TMEM163: variants seen among roughly 807,000 people sequenced by gnomAD.
TMEM163 encodes the protein transmembrane protein 163.
A neutral mutation model predicts 29.3 loss-of-function variants in TMEM163; 17 were observed. The observed-to-expected ratio is 0.58, with a 90% CI of 0.40 to 0.87. The LOEUF (loss-of-function observed/expected upper bound fraction) is 0.87, where lower values mean the gene tolerates loss of function less well. TMEM163 is among the 40% of genes least tolerant of loss of function. The pLI is 0.00. For synonymous variants in TMEM163, 157 were observed against 160.6 expected (o/e 0.98, Z 0.17); for missense variants, 303 against 381.5 (o/e 0.79, Z 1.71).
At chr2:134,488,362 C>G (rs72853922) in intron 5 of TMEM163, among the ~76,000 whole-genome samples, 17,500 of 152,222 alleles carry the variant, frequency 0.11, 1,243 homozygotes, top group South Asian at 0.2. Flanking sequence ...TAGAATAAAG[C>G]AGGCAGAAGA....
intron 1 of TMEM163, 24 bp downstream of exon 1, chr2:134,718,710 C>T: frequency 2.6e-6 from 3 of 1,141,498 alleles, no homozygotes; most frequent in Non-Finnish European, 3.2e-6. Flanking sequence ...CGGTCGCCGG[C>T]CGGGTCGGGC....
At chr2:134,568,535 A>G (rs1209657999) in intron 2 of TMEM163, among the ~76,000 whole-genome samples, 2 of 151,962 alleles carry the variant, frequency 1.3e-5, no homozygotes, top group Non-Finnish European at 2.9e-5. Context: ...AGAAAGAAAG[A>G]AAAGAAAGAG....
At chr2:134,531,829 A>C (rs1400559280) in intron 4 of TMEM163, among the ~76,000 whole-genome samples, 3 of 152,104 alleles carry the variant, frequency 2.0e-5, no homozygotes, top group East Asian at 3.9e-4. Context: ...GGGCACATCA[A>C]CTTAACTTTC....
At chr2:134,647,641 C>T (rs1217106236) in intron 2 of TMEM163, among the ~76,000 whole-genome samples, 2 of 152,254 alleles carry the variant, frequency 1.3e-5, no homozygotes. Flanking sequence ...ATCAAAACCA[C>T]ATCACCCACC....
At chr2:134,494,557 G>A (rs1316137697) in intron 5 of TMEM163, among the ~76,000 whole-genome samples, 2 of 152,146 alleles carry the variant, frequency 1.3e-5, no homozygotes, top group East Asian at 1.9e-4. Context: ...TGTTTGATAC[G>A]GCTTAATCTT....
Position 134,456,511 on chromosome 2 carries a change from T to G in TMEM163, c.*205A>C. 1.6e-6 allele frequency: 1 copy of G among 609,618 alleles called. No individual in the cohort carries two copies. Among genetic ancestry groups the G allele is most frequent in the Non-Finnish European group, 2.9e-6 (1 of 341,168 alleles). The allele number at this position is 609,618 out of a possible 1,614,324, so 37.8% of individuals were successfully genotyped here. A position where few individuals can be genotyped will look rare whatever the true frequency, so the allele number is the denominator to read the frequency against. On this transcript the variant is annotated 3_prime_UTR_variant, in exon 8 of 8. Transcript: ENST00000281924. ...AGACGGGGAAGGAGGTCCATTCCTATGGGCATTGTCCCAACATGTTTGATG... is the reference window on the plus strand; with the variant it reads ...AGACGGGGAAGGAGGTCCATTCCTAGGGGCATTGTCCCAACATGTTTGATG...
At chr2:134,501,626 G>C (rs187894303) in intron 5 of TMEM163, among the ~76,000 whole-genome samples, 1 of 152,276 alleles carries the variant, frequency 6.6e-6, no homozygotes, top group East Asian at 1.9e-4. Context: ...TCTTACCTAA[G>C]GTTCAGATTC....
At chr2:134,580,016 T>C (rs908928626) in intron 2 of TMEM163, among the ~76,000 whole-genome samples, 1 of 152,106 alleles carries the variant, frequency 6.6e-6, no homozygotes, top group African/African-American at 2.4e-5. Context: ...AGCTCAATTA[T>C]CAAACCAGAG....
intron 2 of TMEM163, among the ~76,000 whole-genome samples, chr2:134,666,079 G>GA (rs1558984409): frequency 2.0e-5 from 3 of 152,000 alleles, no homozygotes; most frequent in Non-Finnish European, 4.4e-5. Context: ...ATAGTAATGA[G>GA]AAAAAAATAC....
intron 2 of TMEM163, among the ~76,000 whole-genome samples, chr2:134,556,788 GCC>G (rs1681058257): frequency 6.6e-6 from 1 of 152,178 alleles, no homozygotes; most frequent in African/African-American, 2.4e-5. Context: ...ACCACCGTAA[GCC>G]AGCCTAGGCA....
At chr2:134,469,791 A>T (rs925396709) in intron 5 of TMEM163, 3 of 152,452 alleles carry the variant, frequency 2.0e-5, no homozygotes, top group African/African-American at 7.2e-5. Flanking sequence ...CTTCTGCAGG[A>T]TGCCCAATGT....
At chr2:134,519,908 A>T (rs1208774069) in intron 4 of TMEM163, among the ~76,000 whole-genome samples, 1 of 151,160 alleles carries the variant, frequency 6.6e-6, no homozygotes, top group East Asian at 1.9e-4. Flanking sequence ...AAAAAAAAAA[A>T]ATTCCCACAC....
intron 2 of TMEM163, among the ~76,000 whole-genome samples, chr2:134,694,134 G>C (rs547172587): frequency 1.3e-5 from 2 of 152,312 alleles, no homozygotes; most frequent in Admixed American, 1.3e-4. Context: ...TGATCTGTGG[G>C]AAGCACTTAG....
In TMEM163 at chr2:134,550,488, G is replaced by C. The variant is rs1347956735; in HGVS notation, c.458+82C>G. ...CTCATCACTGGGACAAAAGCTGCAGGGCAAGCTGTGTTGAGGGCCTCATTC... is the reference window on the plus strand; with the variant it reads ...CTCATCACTGGGACAAAAGCTGCAGCGCAAGCTGTGTTGAGGGCCTCATTC... On this transcript the variant is annotated intron_variant, in intron 4 of 7. Coordinates refer to ENST00000281924, the MANE Select transcript of TMEM163 (RefSeq NM_030923.5). 8 of 1,338,694 alleles carry C rather than the reference G, an allele frequency of 6.0e-6. No homozygotes were observed. In the African/African-American group the frequency reaches 1.1e-4, roughly 19 times the overall value. 82.9% of individuals were successfully genotyped at this position (1,338,694 alleles called of 1,614,324 possible). A position where few individuals can be genotyped will look rare whatever the true frequency, so the allele number is the denominator to read the frequency against.
Position 134,637,142 on chromosome 2 carries a change from G to A in TMEM163, c.322+76058C>T, listed in dbSNP as rs981256260. Among the ~76,000 whole-genome samples, 7 of 152,334 alleles carry A rather than the reference G, an allele frequency of 4.6e-5. No individual in the cohort carries two copies. In the East Asian group the frequency reaches 1.4e-3, roughly 29 times the overall value. ...GCTCTGTCTAGGCAGCAGGCAAGGT[G>A]AATTGTTGGGCGATTACAAAACATT... On this transcript the variant is annotated intron_variant, in intron 2 of 7. Transcript: ENST00000281924.
chr2:134,684,885 G>A (rs541720797), intron 2 of TMEM163, among the ~76,000 whole-genome samples: 128 of 149,880 alleles, frequency 8.5e-4, no homozygotes, highest in Middle Eastern at 3.4e-3. Context: ...ATTGTGCCAC[G>A]GCACTCCAGC....
At chr2:134,688,344 G>A (rs1041841031) in intron 2 of TMEM163, among the ~76,000 whole-genome samples, 4 of 150,914 alleles carry the variant, frequency 2.7e-5, no homozygotes, top group African/African-American at 7.3e-5. Flanking sequence ...TTCAAAGGTC[G>A]GCTGCCAGAA....
intron 2 of TMEM163, among the ~76,000 whole-genome samples, chr2:134,627,361 T>TA (rs1160130777): frequency 1.3e-5 from 2 of 152,204 alleles, no homozygotes; most frequent in African/African-American, 2.4e-5. Context: ...TGAATCTTTA[T>TA]AAAAAATATT....
intron 4 of TMEM163, among the ~76,000 whole-genome samples, chr2:134,515,552 G>A (rs1234371009): frequency 6.6e-6 from 1 of 152,054 alleles, no homozygotes; most frequent in Non-Finnish European, 1.5e-5. Context: ...TGAAGAAAAG[G>A]CTTTTTGCAG....
Sources: allele counts gnomAD v4.1 joint callset (sites outside exome capture counted in the v4.1 genomes callset), GRCh38; gene constraint gnomAD v4.1.1; transcripts MANE v1.5; gene names NCBI Gene and HGNC (gene_info 2026-07-23, HGNC 2026-07-21).